The following HPS4 variants were observed in gnomAD, a reference collection of about 807,000 sequenced individuals.
HPS4 encodes the protein HPS4 biogenesis of lysosomal organelles complex 3 subunit 2.
HPS4 carries 44 observed loss-of-function variants against 70.3 expected under a neutral mutation model. That is an observed-to-expected ratio of 0.63 (90% confidence interval 0.49 to 0.80). The LOEUF is 0.80. HPS4 is among the 30% of genes least tolerant of loss of function. The pLI, the probability that HPS4 is intolerant of heterozygous loss-of-function variation, is 0.00. For missense variants in HPS4, 873 were observed against 884.4 expected (o/e 0.99, Z 0.16); for synonymous variants, 377 against 355.9 (o/e 1.06, Z -0.67).
intron 3 of HPS4, among the ~76,000 whole-genome samples, chr22:26,478,570 C>CAAAAA (rs58708957): frequency 9.0e-6 from 1 of 111,234 alleles, no homozygotes; most frequent in Non-Finnish European, 1.7e-5. Flanking sequence ...GCCTCCATCA[C>CAAAAA]AAAAAAAAAA....
intron 11 of HPS4, among the ~76,000 whole-genome samples, chr22:26,458,992 A>G (rs1601840326): frequency 6.6e-6 from 1 of 152,108 alleles, no homozygotes; most frequent in African/African-American, 2.4e-5. Flanking sequence ...CAAGAAAACA[A>G]CCCATCATTT....
chr22:26,465,342 G>C, intron 10 of HPS4, 113 bp downstream of exon 10: 1 of 769,482 alleles, frequency 1.3e-6, no homozygotes, highest in South Asian at 1.4e-5. Flanking sequence ...ACAGGGCATG[G>C]GGAAGATGGA....
At position 26,483,720 on chromosome 22, in the gene HPS4, A is replaced by T; in HGVS notation, c.-525T>A. 2.3e-6 allele frequency: 1 copy of T among 429,704 alleles called. No individual in the cohort carries two copies. 26.6% of individuals were successfully genotyped at this position (429,704 alleles called of 1,614,324 possible). A position where few individuals can be genotyped will look rare whatever the true frequency, so the allele number is the denominator to read the frequency against. Reference sequence around the variant, plus strand: ...TGCTCGGGGTTCGGGACTCTGGACCAGAAATGTGGGCAGCAGCTGGGTACC... The same window carrying T: ...TGCTCGGGGTTCGGGACTCTGGACCTGAAATGTGGGCAGCAGCTGGGTACC... On this transcript the variant is annotated 5_prime_UTR_variant, in exon 1 of 14. Transcript: ENST00000398145.
chr22:26,456,309 G>A (rs2086128813), intron 13 of HPS4, among the ~76,000 whole-genome samples: 2 of 152,220 alleles, frequency 1.3e-5, no homozygotes, highest in East Asian at 1.9e-4. Flanking sequence ...ATAACCCTGG[G>A]CAAGCTGCTT....
chr22:26,471,678 T>G (rs745845405), intron 6 of HPS4, among the ~76,000 whole-genome samples: 33 of 152,178 alleles, frequency 2.2e-4, no homozygotes, highest in Non-Finnish European at 7.4e-5. Flanking sequence ...TCATGCTCTG[T>G]GAAGGCTGAG....
rs140806023 is a variant in HPS4 at position 26,478,299 on chromosome 22, G to A, written c.132+966C>T. 3.5e-3 allele frequency among the ~76,000 whole-genome samples: 532 copies of A among 152,192 alleles called. 7 individuals are homozygous for A. Among genetic ancestry groups the A allele is most frequent in the African/African-American group, 0.012 (486 of 41,532 alleles). ...TAAAATTGGCAAAGTATTGCCGGGC[G>A]TGGTGGCTCACGCCTGTAATCCCTG... On this transcript the variant is annotated intron_variant, in intron 3 of 13. Coordinates refer to ENST00000398145, the MANE Select transcript of HPS4 (RefSeq NM_022081.6).
chr22:26,482,625 T>C (rs2091403673), intron 1 of HPS4: 1 of 152,202 alleles, frequency 6.6e-6, no homozygotes, highest in Non-Finnish European at 1.5e-5. Context: ...AAGAGAACTT[T>C]ATCAAATGGC....
intron 11 of HPS4, among the ~76,000 whole-genome samples, chr22:26,459,948 T>C (rs1432188294): frequency 6.6e-6 from 1 of 152,244 alleles, no homozygotes; most frequent in East Asian, 1.9e-4. Context: ...AATAAGTGCA[T>C]ATAAAAAGTA....
At chr22:26,465,822 A>T (rs2088475081) in intron 9 of HPS4, 1 of 555,602 alleles carries the variant, frequency 1.8e-6, no homozygotes, top group Non-Finnish European at 3.2e-6. Flanking sequence ...TACAAGAAGA[A>T]GATATAAGCT....
At chr22:26,457,603 T>C (rs765391657) in intron 13 of HPS4, among the ~76,000 whole-genome samples, 7 of 152,180 alleles carry the variant, frequency 4.6e-5, no homozygotes, top group Admixed American at 2.6e-4. Flanking sequence ...TGTAGCTCCA[T>C]GATGGTGAGG....
At chr22:26,458,075 G>A in intron 12 of HPS4, 108 bp from the exon 13 acceptor site, 3 of 976,960 alleles carry the variant, frequency 3.1e-6, no homozygotes, top group Non-Finnish European at 3.1e-6. Flanking sequence ...TCAAGGCCAT[G>A]AGTTGGCTGC....
intron 11 of HPS4, among the ~76,000 whole-genome samples, chr22:26,463,283 G>C (rs1387233023): frequency 6.6e-6 from 1 of 152,150 alleles, no homozygotes; most frequent in Non-Finnish European, 1.5e-5. Context: ...CAGCCTTCTA[G>C]GAAGGAGCTT....
In HPS4 at chr22:26,464,399, T is replaced by C. The variant is rs766233510; in HGVS notation, c.1231A>G (p.Ser411Gly). 6.2e-7 allele frequency: 1 copy of C among 1,614,196 alleles called. No individual in the cohort carries two copies. Among genetic ancestry groups the C allele is most frequent in the Non-Finnish European group, 8.5e-7 (1 of 1,180,032 alleles). Residue 411 changes from serine (S) to glycine (G), a missense_variant, in exon 11 of 14, where the codon AGC (serine) becomes GGC (glycine). By Grantham distance (56) the Ser-to-Gly change is moderately conservative. Transcript: ENST00000398145. ...YCKASLSASS[S>G]LEPTPPEDTA... ...TCCTCAGGAGGCGTGGGTTCCAGGCTGCTGGAGGCGCTGAGAGATGCCTTG... is the reference window on the plus strand; with the variant it reads ...TCCTCAGGAGGCGTGGGTTCCAGGCCGCTGGAGGCGCTGAGAGATGCCTTG...
intron 10 of HPS4, 28 bp from the exon 11 acceptor site, chr22:26,464,854 G>C: frequency 6.4e-7 from 1 of 1,571,038 alleles, no homozygotes. Context: ...TGTAAGGAAG[G>C]GGCACGTTGA....
At position 26,451,007 on chromosome 22, in the gene HPS4, A is replaced by G. The variant is rs2085143271; in HGVS notation, c.*2226T>C. On this transcript the variant is annotated 3_prime_UTR_variant, in exon 14 of 14. Transcript: ENST00000398145. ...AGTTCACAGGTGGCAGATGGCTGGC[A>G]CAGAGGAAGCCAAAACAGAGGCTTT... Among the ~76,000 whole-genome samples, 1 of 152,206 alleles carries G rather than the reference A, an allele frequency of 6.6e-6. No individual in the cohort carries two copies. Among genetic ancestry groups the G allele is most frequent in the African/African-American group, 2.4e-5 (1 of 41,436 alleles).
intron 2 of HPS4, 23 bp downstream of exon 2, chr22:26,481,699 C>A (rs766977566): frequency 9.9e-6 from 16 of 1,612,702 alleles, no homozygotes; most frequent in Non-Finnish European, 1.4e-5. Context: ...AAAAGCTATG[C>A]CATGGCAGGC....
chr22:26,446,105 G>A (rs754959996), downstream of HPS4, among the ~76,000 whole-genome samples: 6 of 152,274 alleles, frequency 3.9e-5, no homozygotes, highest in Non-Finnish European at 5.9e-5. Context: ...GCTAATTTAC[G>A]TGTTGTAGCT....
At chr22:26,478,257 G>C (rs2090831341) in intron 3 of HPS4, among the ~76,000 whole-genome samples, 1 of 151,952 alleles carries the variant, frequency 6.6e-6, no homozygotes, top group Non-Finnish European at 1.5e-5. Flanking sequence ...GAGAAGAAGA[G>C]GTTCAGATAG....
chr22:26,469,250 C>T (rs1337963033), intron 7 of HPS4, among the ~76,000 whole-genome samples: 1 of 138,870 alleles, frequency 7.2e-6, no homozygotes, highest in East Asian at 2.1e-4. Flanking sequence ...AGTTTGAGAC[C>T]TCCATGAGCA....
Sources: gnomAD v4.1 joint callset for allele counts (sites outside exome capture counted in the v4.1 genomes callset) on GRCh38, gnomAD v4.1.1 for gene constraint, MANE v1.5 for transcripts, NCBI Gene and HGNC (gene_info 2026-07-23, HGNC 2026-07-21) for gene names.